The following C1QTNF3 variants were observed in gnomAD, a reference collection of about 807,000 sequenced individuals.
C1QTNF3 encodes complement C1q tumor necrosis factor-related protein 3.
C1QTNF3 carries 26 observed loss-of-function variants against 32.6 expected under a neutral mutation model. The ratio of observed to expected loss-of-function variants is 0.80; its 90% CI spans 0.58 to 1.11. C1QTNF3 has a LOEUF of 1.11. C1QTNF3 is among the 50% of genes least tolerant of loss of function. The pLI is 0.00. For missense variants in C1QTNF3, 362 were observed against 398.2 expected, an observed-to-expected ratio of 0.91 and a Z score of 0.77; for synonymous variants, 155 against 146.0, an observed-to-expected ratio of 1.06 and a Z score of -0.44.
the C1QTNF3 span, among the ~76,000 whole-genome samples, chr5:34,094,666 A>G: frequency 6.6e-6 from 1 of 151,896 alleles, no homozygotes; most frequent in South Asian, 2.1e-4. Context: ...AGTACAGTAT[A>G]CATTTCTTTT....
At chr5:34,234,850 A>G in the C1QTNF3 span, among the ~76,000 whole-genome samples, 12 of 152,224 alleles carry the variant, frequency 7.9e-5, no homozygotes, top group South Asian at 2.1e-4. Flanking sequence ...TGACTAATCA[A>G]TTGCACTGAT....
At chr5:34,159,562 G>A in the C1QTNF3 span, among the ~76,000 whole-genome samples, 1 of 152,008 alleles carries the variant, frequency 6.6e-6, no homozygotes, top group Non-Finnish European at 1.5e-5. Flanking sequence ...ACAATTTATA[G>A]TGTTTATTGA....
the C1QTNF3 span, among the ~76,000 whole-genome samples, chr5:34,083,221 T>C: frequency 1.3e-5 from 2 of 151,500 alleles, no homozygotes. Flanking sequence ...TTATAATGAA[T>C]ATTTAAAGTG....
chr5:34,034,011 T>C (rs779844049), intron 2 of C1QTNF3, among the ~76,000 whole-genome samples: 2 of 151,994 alleles, frequency 1.3e-5, no homozygotes, highest in Non-Finnish European at 2.9e-5. Context: ...AAATAGAAAT[T>C]AAAAAATTAG....
At chr5:34,164,375 G>A in the C1QTNF3 span, among the ~76,000 whole-genome samples, 1 of 152,066 alleles carries the variant, frequency 6.6e-6, no homozygotes, top group Non-Finnish European at 1.5e-5. Context: ...TTTCACCTCA[G>A]CTCCTGGAGA....
the C1QTNF3 span, among the ~76,000 whole-genome samples, chr5:34,119,767 C>T: frequency 5.9e-5 from 9 of 152,148 alleles, no homozygotes; most frequent in African/African-American, 1.4e-4. Flanking sequence ...TCTCACATTG[C>T]GCATCACTGT....
the C1QTNF3 span, among the ~76,000 whole-genome samples, chr5:34,088,918 C>T: frequency 1.1e-4 from 16 of 151,948 alleles, no homozygotes; most frequent in Middle Eastern, 3.2e-3. Flanking sequence ...CAAAGATTAA[C>T]AGATTGTTTT....
chr5:34,226,782 A>C, the C1QTNF3 span, among the ~76,000 whole-genome samples: 3 of 151,822 alleles, frequency 2.0e-5, no homozygotes, highest in Admixed American at 2.0e-4. Flanking sequence ...TTTACACTGT[A>C]GTTTTACAAT....
At chr5:34,169,714 C>T in the C1QTNF3 span, among the ~76,000 whole-genome samples, 6 of 152,046 alleles carry the variant, frequency 3.9e-5, no homozygotes, top group African/African-American at 1.4e-4. Context: ...AAAGTCATTG[C>T]AAATAGTAAT....
At chr5:34,127,283 G>T in the C1QTNF3 span, among the ~76,000 whole-genome samples, 372 of 152,194 alleles carry the variant, frequency 2.4e-3, 1 homozygote, top group Admixed American at 5.0e-3. Context: ...GAAGAAGACG[G>T]GAAGATATGG....
the C1QTNF3 span, among the ~76,000 whole-genome samples, chr5:34,059,277 C>G: frequency 6.6e-6 from 1 of 152,108 alleles, no homozygotes; most frequent in African/African-American, 2.4e-5. Flanking sequence ...TCTGGTGTCT[C>G]TCTGTGTCTC....
chr5:34,226,710 TA>T, the C1QTNF3 span, among the ~76,000 whole-genome samples: 1 of 151,092 alleles, frequency 6.6e-6, no homozygotes, highest in Non-Finnish European at 1.5e-5. Flanking sequence ...TCCCCAAAAC[TA>T]AACTAAGAGC....
chr5:34,207,275 GAT>G, the C1QTNF3 span, among the ~76,000 whole-genome samples: 62,172 of 142,812 alleles, frequency 0.44, 13,429 homozygotes, highest in African/African-American at 0.7. Context: ...TCAAATTTGA[GAT>G]ATATATATAT....
the C1QTNF3 span, among the ~76,000 whole-genome samples, chr5:34,236,664 C>T: frequency 5.4e-5 from 8 of 147,026 alleles, no homozygotes; most frequent in African/African-American, 1.3e-4. Flanking sequence ...TCCTCCACCC[C>T]GCCAGGTTCA....
At chr5:34,068,127 C>G in the C1QTNF3 span, among the ~76,000 whole-genome samples, 1 of 152,110 alleles carries the variant, frequency 6.6e-6, no homozygotes, top group Non-Finnish European at 1.5e-5. Flanking sequence ...GTGCTATGAA[C>G]TGCCAGATGC....
the C1QTNF3 span, among the ~76,000 whole-genome samples, chr5:34,220,389 C>G: frequency 6.6e-6 from 1 of 151,882 alleles, no homozygotes; most frequent in African/African-American, 2.4e-5. Flanking sequence ...CTTTCTATGT[C>G]AATGATCGTC....
the C1QTNF3 span, among the ~76,000 whole-genome samples, chr5:34,241,581 C>T: frequency 6.6e-5 from 10 of 151,174 alleles, no homozygotes; most frequent in African/African-American, 2.4e-4. Context: ...TACAACTAAC[C>T]TAAGATGTGA....
the C1QTNF3 span, among the ~76,000 whole-genome samples, chr5:34,196,423 C>T: frequency 6.6e-5 from 10 of 152,388 alleles, no homozygotes; most frequent in African/African-American, 2.2e-4. Flanking sequence ...CAGGCATAAG[C>T]CACCACGCCT....
At chr5:34,033,208 G>T in intron 3 of C1QTNF3, 96 bp downstream of exon 3, 1 of 1,339,058 alleles carries the variant, frequency 7.5e-7, no homozygotes, top group Non-Finnish European at 1.0e-6. Flanking sequence ...TCAGGATTGG[G>T]GAAGACTTGA....
Sources: gnomAD v4.1 joint callset for allele counts (sites outside exome capture counted in the v4.1 genomes callset) on GRCh38, gnomAD v4.1.1 for gene constraint, MANE v1.5 for transcripts, NCBI Gene and HGNC (gene_info 2026-07-23, HGNC 2026-07-21) for gene names.